The following CARMIL3 variants were observed in gnomAD, a reference collection of about 807,000 sequenced individuals.
CARMIL3 encodes the protein capping protein, Arp2/3 and myosin-I linker protein 3.
Under a neutral mutation model 180.8 loss-of-function variants are expected in CARMIL3, and 88 were observed. The observed-to-expected ratio is 0.49, with a 90% CI of 0.41 to 0.58. The LOEUF (loss-of-function observed/expected upper bound fraction) is 0.58, where lower values mean the gene tolerates loss of function less well. Among genes scored for constraint, CARMIL3 ranks in the 20% least tolerant of loss-of-function variants. CARMIL3 has a pLI of 0.00. For missense variants in CARMIL3, 1,548 were observed against 1,787.0 expected (o/e 0.87, Z 2.41); for synonymous variants, 696 against 714.5 (o/e 0.97, Z 0.41).
At position 24,060,071 on chromosome 14, in the gene CARMIL3, G is replaced by T. The variant is rs530989777; in HGVS notation, c.1962+8G>T. On this transcript the variant is annotated splice_region_variant and intron_variant, in intron 23 of 39. Transcript: ENST00000342740. ...GAGGACGTCTGGCAGAAGGTGCAGG[G>T]TGCTGTCCTAAGCAGGGTGGCACAG... 1.2e-6 allele frequency: 2 copies of T among 1,613,888 alleles called. No homozygotes were observed. The highest frequency in any genetic ancestry group is 2.2e-5 in the East Asian group (1 of 44,884).
intron 36 of CARMIL3, 45 bp downstream of exon 36, chr14:24,066,701 T>C: frequency 6.3e-7 from 1 of 1,597,022 alleles, no homozygotes. Flanking sequence ...AAGCCCAGGG[T>C]GTGTCCAAAG....
rs769202921 is a variant in CARMIL3, at chr14:24,066,495, G to A, written c.3592+31G>A. ...AACAGTCACATTCAAAGCCCTTTTG[G>A]ACCCCTCTCTCAGGGGTCAAATTTA... is the stretch of plus-strand genomic sequence containing the variant. On this transcript the variant is annotated intron_variant, in intron 35 of 39. Transcript: ENST00000342740. The A allele has an allele frequency of 3.7e-6, 6 of 1,613,808 alleles. No individual in the cohort carries two copies. In the Admixed American group the frequency reaches 5.0e-5, roughly 13 times the overall value.
In CARMIL3 at chr14:24,057,233, G is replaced by A. The variant is rs746352567; in HGVS notation, c.1129G>A (p.Val377Ile). The A allele has an allele frequency of 1.2e-5, 19 of 1,613,798 alleles. No homozygotes were observed. Among genetic ancestry groups the A allele is most frequent in the South Asian group, 3.3e-5 (3 of 91,018 alleles). The stretch of plus-strand genomic sequence containing the variant: ...CCTGGACCTGTCAGGAACTGACTGC[G>A]TCATCGACTTGGTGAGGAGTTGGTG... Reference protein sequence around the residue: ...VHLDLSGTDCVIDLLLGALLH... With the variant: ...VHLDLSGTDCIIDLLLGALLH... The change falls in exon 14 of 40, where the codon GTC becomes ATC. Residue 377 changes from valine to isoleucine, a missense_variant. By Grantham distance (29) the Val-to-Ile change is conservative. This residue lies in a region of CARMIL3 where 578 missense variants were observed against 666.5 expected (regional missense o/e 0.87). Coordinates refer to ENST00000342740, the MANE Select transcript of CARMIL3 (RefSeq NM_138360.4).
At chr14:24,052,493 C>T (rs1445860553) in intron 1 of CARMIL3, among the ~76,000 whole-genome samples, 1 of 152,186 alleles carries the variant, frequency 6.6e-6, no homozygotes, top group Admixed American at 6.5e-5. Context: ...AGCCCACCCT[C>T]GGCGAAGCGT....
intron 9 of CARMIL3, 38 bp from the exon 10 acceptor site, chr14:24,055,663 C>T: frequency 6.2e-7 from 1 of 1,613,762 alleles, no homozygotes; most frequent in Non-Finnish European, 8.5e-7. Flanking sequence ...GTAGTGCCCC[C>T]CTTGGCCCCT....
At position 24,058,322 on chromosome 14, in the gene CARMIL3, C is replaced by T; in HGVS notation, c.1392+98C>T. On this transcript the variant is annotated intron_variant, in intron 17 of 39. Coordinates refer to ENST00000342740, the MANE Select transcript of CARMIL3 (RefSeq NM_138360.4). This position sits in a 1 kb window ranked among gnomAD's most constrained non-coding sequence, Gnocchi z 6.4. The stretch of plus-strand genomic sequence containing the variant: ...GGCTCCATCTAGCCTCTGTGCTGAC[C>T]CTCTGCGACCCCCTGACCTGGCCAC... The T allele has an allele frequency of 7.5e-7, 1 of 1,328,258 alleles. No homozygotes were observed. The highest frequency in any genetic ancestry group is 1.0e-6 in the Non-Finnish European group (1 of 958,460). 82.3% of individuals were successfully genotyped at this position (1,328,258 alleles called of 1,614,324 possible). A position where few individuals can be genotyped will look rare whatever the true frequency, so the allele number is the denominator to read the frequency against.
Position 24,058,660 on chromosome 14 carries a change from A to G in CARMIL3, c.1393-20A>G. The G allele has an allele frequency of 6.2e-7, 1 of 1,612,570 alleles. No homozygotes were observed. The highest frequency in any genetic ancestry group is 8.5e-7 in the Non-Finnish European group (1 of 1,179,354). On this transcript the variant is annotated intron_variant, in intron 17 of 39. Coordinates refer to ENST00000342740, the MANE Select transcript of CARMIL3 (RefSeq NM_138360.4). This position sits in a 1 kb window ranked among gnomAD's most constrained non-coding sequence, Gnocchi z 6.4. The stretch of plus-strand genomic sequence containing the variant: ...CCCCACCCCAACCCCTGCCTTCCCT[A>G]CCTCACCTTGTCCCTGCAGCTCCGT...
chr14:24,057,253 T>C lies in CARMIL3; in HGVS notation c.1140+9T>C. 6.2e-7 allele frequency: 1 copy of C among 1,612,968 alleles called. No homozygotes were observed. The highest frequency in any genetic ancestry group is 8.5e-7 in the Non-Finnish European group (1 of 1,179,518). On this transcript the variant is annotated intron_variant, in intron 14 of 39. Transcript: ENST00000342740. ...ACTGCGTCATCGACTTGGTGAGGAG[T>C]TGGTGATGGGAAGCCAGTCTGAGGT...
Position 24,054,670 on chromosome 14 carries a change from C to T in CARMIL3, c.363-41C>T. Reference sequence around the variant, plus strand: ...CTATAACGTGGGAAGAACTGAGAGCCTCTTTCCAGCCCTCTCTGGAATGAC... The same window carrying T: ...CTATAACGTGGGAAGAACTGAGAGCTTCTTTCCAGCCCTCTCTGGAATGAC... On this transcript the variant is annotated intron_variant, in intron 5 of 39. Coordinates refer to ENST00000342740, the MANE Select transcript of CARMIL3 (RefSeq NM_138360.4). This position sits in a 1 kb window ranked among gnomAD's most constrained non-coding sequence, Gnocchi z 5.1. The T allele has an allele frequency of 6.3e-7, 1 of 1,582,018 alleles. No individual in the cohort carries two copies. The highest frequency in any genetic ancestry group is 8.7e-7 in the Non-Finnish European group (1 of 1,153,416).
chr14:24,062,882 T>C, intron 29 of CARMIL3, 36 bp downstream of exon 29: 1 of 1,580,060 alleles, frequency 6.3e-7, no homozygotes, highest in Non-Finnish European at 8.6e-7. Context: ...CTTAATAACC[T>C]GGGCCCTGCC....
intron 35 of CARMIL3, 32 bp downstream of exon 35, chr14:24,066,496 A>T: frequency 6.2e-7 from 1 of 1,613,704 alleles, no homozygotes; most frequent in Non-Finnish European, 8.5e-7. Flanking sequence ...GCCCTTTTGG[A>T]CCCCTCTCTC....
chr14:24,059,041 T>A lies in CARMIL3; in HGVS notation c.1571+55T>A. The A allele has an allele frequency of 6.2e-7, 1 of 1,604,696 alleles. No individual in the cohort carries two copies. The highest frequency in any genetic ancestry group is 8.5e-7 in the Non-Finnish European group (1 of 1,174,952). Reference sequence around the variant, plus strand: ...CTCATCCCATCATTCACCCATCCTCTTGGCTCACCGTATTACCTCTGGCCA... The same window carrying A: ...CTCATCCCATCATTCACCCATCCTCATGGCTCACCGTATTACCTCTGGCCA... On this transcript the variant is annotated intron_variant, in intron 19 of 39. Coordinates refer to ENST00000342740, the MANE Select transcript of CARMIL3 (RefSeq NM_138360.4). This position sits in a 1 kb window ranked among gnomAD's most constrained non-coding sequence, Gnocchi z 6.3.
chr14:24,056,917 C>A lies in CARMIL3; in HGVS notation c.955C>A (p.Leu319Ile), dbSNP rs756195279. ...LAKTAISPRG[L>I]QALGQTFGAN... is the part of the protein sequence containing the mutation. ...AGCCCAGTGCCCGCTGTGCTCAGGG[C>A]TCCAGGCACTCGGCCAGACCTTCGG... The change falls in exon 13 of 40, where the codon CTC (leucine) becomes ATC (isoleucine). Residue 319 changes from leucine to isoleucine, a missense_variant and splice_region_variant. This residue lies in a region of CARMIL3 where 578 missense variants were observed against 666.5 expected (regional missense o/e 0.87). Transcript: ENST00000342740. 5.6e-6 allele frequency: 9 copies of A among 1,613,928 alleles called. No individual in the cohort carries two copies. The South Asian group carries it at 8.8e-5, about 16-fold the overall frequency.
intron 31 of CARMIL3, 44 bp from the exon 32 acceptor site, chr14:24,064,202 T>C (rs903180246): frequency 5.5e-6 from 8 of 1,455,198 alleles, no homozygotes; most frequent in Non-Finnish European, 7.6e-6. Flanking sequence ...AGGTGGGGCT[T>C]CCTGACCTAG....
intron 11 of CARMIL3, 27 bp from the exon 12 acceptor site, chr14:24,056,595 G>GGTGA (rs1566539035): frequency 1.2e-6 from 2 of 1,611,746 alleles, no homozygotes; most frequent in East Asian, 4.5e-5. Flanking sequence ...GCCCCTCACT[G>GGTGA]GGCCCGTTTC....
Position 24,059,049 on chromosome 14 carries a change from C to G in CARMIL3, c.1571+63C>G. The G allele has an allele frequency of 6.2e-7, 1 of 1,600,220 alleles. No individual in the cohort carries two copies. Among genetic ancestry groups the G allele is most frequent in the Non-Finnish European group, 8.5e-7 (1 of 1,172,682 alleles). Reference sequence around the variant, plus strand: ...ATCATTCACCCATCCTCTTGGCTCACCGTATTACCTCTGGCCACCTCTCTC... The same window carrying G: ...ATCATTCACCCATCCTCTTGGCTCAGCGTATTACCTCTGGCCACCTCTCTC... On this transcript the variant is annotated intron_variant, in intron 19 of 39. Transcript: ENST00000342740. This position sits in a 1 kb window ranked among gnomAD's most constrained non-coding sequence, Gnocchi z 6.3.
intron 10 of CARMIL3, 107 bp downstream of exon 10, chr14:24,055,896 C>G (rs1454811405): frequency 9.3e-7 from 1 of 1,076,052 alleles, no homozygotes; most frequent in Non-Finnish European, 1.4e-6. Context: ...TCCAGTGCCT[C>G]TCTCTACAGA....
intron 14 of CARMIL3, 30 bp from the exon 15 acceptor site, chr14:24,057,773 C>T: frequency 6.3e-7 from 1 of 1,596,950 alleles, no homozygotes; most frequent in Non-Finnish European, 8.5e-7. Context: ...CTTCCAGCTC[C>T]CCTGAGACCC....
chr14:24,061,722 A>C lies in CARMIL3; in HGVS notation c.2480+50A>C. 1 of 1,563,978 alleles carries C rather than the reference A, an allele frequency of 6.4e-7. No individual in the cohort carries two copies. The highest frequency in any genetic ancestry group is 8.7e-7 in the Non-Finnish European group (1 of 1,146,120). ...GGCTGAGCTGGATTTGGCCCAGATC[A>C]CTTAGGGACTTAGGACTGGAGAGCT... On this transcript the variant is annotated intron_variant, in intron 27 of 39. Transcript: ENST00000342740. This position sits in a 1 kb window ranked among gnomAD's most constrained non-coding sequence, Gnocchi z 4.1.
Sources: allele counts gnomAD v4.1 joint callset (sites outside exome capture counted in the v4.1 genomes callset), GRCh38; gene constraint gnomAD v4.1.1; regional missense constraint gnomAD v4.1.1; non-coding constraint Gnocchi (gnomAD v3.1); transcripts MANE v1.5; gene names NCBI Gene and HGNC (gene_info 2026-07-23, HGNC 2026-07-21).